The following KRT6A variants were observed in gnomAD, a reference collection of about 807,000 sequenced individuals.
The protein encoded by KRT6A is keratin 6A.
In KRT6A, 28 loss-of-function variants were observed where a neutral mutation model predicts 48.6. The ratio of observed to expected loss-of-function variants is 0.58; its 90% CI spans 0.43 to 0.79. The LOEUF (loss-of-function observed/expected upper bound fraction) is 0.79, where lower values mean the gene tolerates loss of function less well. Ranked by LOEUF, KRT6A falls within the 30% of genes least tolerant of loss-of-function variation. The probability of loss-of-function intolerance (pLI) is 0.00; values close to 1 mark genes in which losing one functional copy is unlikely to be tolerated. For synonymous variants in KRT6A, 301 were observed against 294.2 expected (o/e 1.02, Z -0.24); for missense variants, 687 against 724.3 (o/e 0.95, Z 0.59).
In KRT6A at chr12:52,488,374, C is replaced by A. The variant is rs180935064; in HGVS notation, c.1378G>T (p.Val460Leu). 3.1e-6 allele frequency: 5 copies of A among 1,614,174 alleles called. No individual in the cohort carries two copies. The East Asian group carries it at 6.7e-5, about 22-fold the overall frequency. The change falls in exon 7 of 9, where the codon GTG becomes TTG. Residue 460 changes from valine to leucine, a missense_variant. Val to Leu is a conservative substitution (Grantham distance 32). Transcript: ENST00000330722. ...ELMNVKLALD[V>L]EIATYRKLLE... ...AGCTTGCGGTAGGTGGCGATCTCCA[C>A]GTCCAGGGCCAGCTTGACATTCATC...
intron 6 of KRT6A, 46 bp downstream of exon 6, chr12:52,489,897 G>C (rs377673941): frequency 9.9e-6 from 16 of 1,613,770 alleles, no homozygotes; most frequent in Non-Finnish European, 1.1e-5. Flanking sequence ...GCTGCCTGAC[G>C]ACCTGACAAG....
In KRT6A at chr12:52,492,761, C is replaced by T. The variant is rs2120410961; in HGVS notation, c.428G>A (p.Ser143Asn). Residue 143 changes from serine to asparagine, a missense_variant, in exon 1 of 9, where the codon AGT (serine) becomes AAT (asparagine). Physicochemically the swap from Ser to Asn is conservative, Grantham distance 46. Transcript: ENST00000330722. ...TTGCAGGTTGAGGGGAGTCAGGAGA[C>T]TCTGGTTGACGGTGACCTCTTGGAT... ...GGIQEVTVNQ[S>N]LLTPLNLQID... is the part of the protein sequence containing the mutation. 4 of 1,613,888 alleles carry T rather than the reference C, an allele frequency of 2.5e-6. No individual in the cohort carries two copies. The highest frequency in any genetic ancestry group is 3.4e-6 in the Non-Finnish European group (4 of 1,179,926).
chr12:52,492,230 A>T (rs1024828222), intron 1 of KRT6A, among the ~76,000 whole-genome samples: 5 of 147,954 alleles, frequency 3.4e-5, no homozygotes, highest in African/African-American at 1.3e-4. Flanking sequence ...CATAACGTAT[A>T]AACGTTTTAA....
chr12:52,489,204 A>G (rs1158860436), intron 6 of KRT6A, among the ~76,000 whole-genome samples: 1 of 152,236 alleles, frequency 6.6e-6, no homozygotes, highest in Non-Finnish European at 1.5e-5. Context: ...CACAGGCCAC[A>G]TGCAGCCCAG....
chr12:52,487,465 T>G lies in KRT6A; in HGVS notation c.*255A>C. Reference sequence around the variant, plus strand: ...TAGAACACTGGAGGCAAGAAATTAATAATTTAGTAACAGTGAAGCTCCAGT... The same window carrying G: ...TAGAACACTGGAGGCAAGAAATTAAGAATTTAGTAACAGTGAAGCTCCAGT... On this transcript the variant is annotated 3_prime_UTR_variant, in exon 9 of 9. Coordinates refer to ENST00000330722, the MANE Select transcript of KRT6A (RefSeq NM_005554.4). 1 of 542,972 alleles carries G rather than the reference T, an allele frequency of 1.8e-6. No individual in the cohort carries two copies. Among genetic ancestry groups the G allele is most frequent in the Non-Finnish European group, 3.2e-6 (1 of 310,368 alleles). The allele number at this position is 542,972 out of a possible 1,614,324, so 33.6% of individuals were successfully genotyped here.
rs144401677 is a variant in KRT6A, at chr12:52,491,649, G to T, written c.628C>A (p.Leu210Met). ...EQGTKTVRQN[L>M]EPLFEQYINN... is the part of the protein sequence containing the mutation. ...ATGTACTGCTCGAACAACGGCTCCA[G>T]GTTCTGCCTCACAGTCTTGGTGCCC... is the stretch of plus-strand genomic sequence containing the variant. Residue 210 changes from leucine to methionine, a missense_variant, in exon 2 of 9, where the codon CTG becomes ATG. By Grantham distance (15) the Leu-to-Met change is conservative. Transcript: ENST00000330722. The T allele has an allele frequency of 0.014, 22,348 of 1,614,216 alleles. 188 individuals carry two copies. Among genetic ancestry groups the T allele is most frequent in the Non-Finnish European group, 0.017 (20,182 of 1,180,042 alleles).
Position 52,487,733 on chromosome 12 carries a change from C to T in KRT6A, c.1682G>A (p.Ser561Asn). ...YTTTSSSSRK[S>N]YKH is the part of the protein sequence containing the mutation. ...AGCAGACGCACTTTAGTGCTTATAG[C>T]TCTTCCTGCTGGAGGAGGAGGTGGT... Residue 561 changes from serine to asparagine, a missense_variant, in exon 9 of 9, where the codon AGC (serine) becomes AAC (asparagine). By Grantham distance (46) the Ser-to-Asn change is conservative. Transcript: ENST00000330722. 6.2e-7 allele frequency: 1 copy of T among 1,614,194 alleles called. No individual in the cohort carries two copies. Among genetic ancestry groups the T allele is most frequent in the Non-Finnish European group, 8.5e-7 (1 of 1,180,030 alleles).
chr12:52,488,531 G>A lies in KRT6A; in HGVS notation c.1221C>T (p.Ala407=), dbSNP rs369027797. The stretch of plus-strand genomic sequence containing the variant: ...CACGCTGCTCAGCATCAGCAATGGC[G>A]GCCTGCAGGTTGGCGCACTGGAAGA... ...HVKKQCANLQ[A]AIADAEQRGE... Residue 407 remains alanine (A), a synonymous_variant, in exon 7 of 9, where the codon GCC becomes GCT. Transcript: ENST00000330722. 841 of 1,613,516 alleles carry A rather than the reference G, an allele frequency of 5.2e-4. 3 individuals carry two copies. Among genetic ancestry groups the A allele is most frequent in the Admixed American group, 2.2e-3 (132 of 59,960 alleles).
chr12:52,488,450 C>T lies in KRT6A; in HGVS notation c.1302G>A (p.Leu434=), dbSNP rs746226004. ...GGGCCAGGTCCTGCTTGGCCTTCTG[C>T]AGGGCATCCTCCAGCCCTTCCAGCT... is the stretch of plus-strand genomic sequence containing the variant. ...KNKLEGLEDA[L]QKAKQDLARL... Residue 434 remains leucine, a synonymous_variant, in exon 7 of 9, where the codon CTG becomes CTA. Coordinates refer to ENST00000330722, the MANE Select transcript of KRT6A (RefSeq NM_005554.4). 5.6e-6 allele frequency: 9 copies of T among 1,614,072 alleles called. No homozygotes were observed. The highest frequency in any genetic ancestry group is 4.5e-5 in the East Asian group (2 of 44,880).
intron 1 of KRT6A, among the ~76,000 whole-genome samples, chr12:52,492,009 C>T (rs868867346): frequency 6.6e-6 from 1 of 152,128 alleles, no homozygotes; most frequent in Non-Finnish European, 1.5e-5. Context: ...TCCTTCTTTT[C>T]CCAGCCAAAA....
In KRT6A at chr12:52,493,253, G is replaced by A; in HGVS notation, c.-65C>T. ...CTGGAGGAGAGAGGGAAGAGAAGCA[G>A]GACTAGGAATCAGGCTCGGGGCAGC... On this transcript the variant is annotated 5_prime_UTR_variant, in exon 1 of 9. Coordinates refer to ENST00000330722, the MANE Select transcript of KRT6A (RefSeq NM_005554.4). 1 of 1,611,240 alleles carries A rather than the reference G, an allele frequency of 6.2e-7. No homozygotes were observed. The highest frequency in any genetic ancestry group is 8.5e-7 in the Non-Finnish European group (1 of 1,178,728).
At position 52,487,243 on chromosome 12, in the gene KRT6A, AC is replaced by A. The variant is rs1375110989; in HGVS notation, c.*476del. Reference sequence around the variant, plus strand: ...AGAGCACAGAAATCATCACAGAGATACAGGCTTTGTACATCATAGGACTAGT... The same window carrying A: ...AGAGCACAGAAATCATCACAGAGATAAGGCTTTGTACATCATAGGACTAGT... On this transcript the variant is annotated 3_prime_UTR_variant, in exon 9 of 9. Transcript: ENST00000330722. 5 of 180,932 alleles carry A rather than the reference AC, an allele frequency of 2.8e-5. No homozygotes were observed. Among genetic ancestry groups the A allele is most frequent in the Admixed American group, 1.6e-4 (3 of 18,798 alleles). The allele number at this position is 180,932 out of a possible 1,614,324, so 11.2% of individuals were successfully genotyped here. A position where few individuals can be genotyped will look rare whatever the true frequency, so the allele number is the denominator to read the frequency against.
In KRT6A at chr12:52,491,671, G is replaced by A; in HGVS notation, c.606C>T (p.Gly202=). The stretch of plus-strand genomic sequence containing the variant: ...CCAGGTTCTGCCTCACAGTCTTGGT[G>A]CCCTGCTCCTGCAGCAGGGTCCACT... ...ETKWTLLQEQ[G]TKTVRQNLEP... The change falls in exon 2 of 9, where the codon GGC becomes GGT. Residue 202 remains glycine (G), a synonymous_variant. Transcript: ENST00000330722. The A allele has an allele frequency of 6.2e-7, 1 of 1,614,186 alleles. No homozygotes were observed.
rs1488416435 is a variant in KRT6A at position 52,488,258 on chromosome 12, A to G, written c.1424+70T>C. On this transcript the variant is annotated intron_variant, in intron 7 of 8. Transcript: ENST00000330722. ...TTATGGCCATGGGCAGTGCACCTTAAAGTTGTGCTCAGTGCCAGGAACCTT... is the reference window on the plus strand; with the variant it reads ...TTATGGCCATGGGCAGTGCACCTTAGAGTTGTGCTCAGTGCCAGGAACCTT... 3.7e-6 allele frequency: 6 copies of G among 1,613,298 alleles called. No homozygotes were observed. The African/African-American group carries it at 4.0e-5, about 11-fold the overall frequency.
Position 52,487,554 on chromosome 12 carries a change from G to T in KRT6A, c.*166C>A. On this transcript the variant is annotated 3_prime_UTR_variant, in exon 9 of 9. Transcript: ENST00000330722. Reference sequence around the variant, plus strand: ...ATGGTGAGCAATGGGTGCTCAGATGGTATAGAGAGAGAGAGAAGAAGTGAG... The same window carrying T: ...ATGGTGAGCAATGGGTGCTCAGATGTTATAGAGAGAGAGAGAAGAAGTGAG... The T allele has an allele frequency of 1.3e-6, 1 of 780,938 alleles. No homozygotes were observed. Among genetic ancestry groups the T allele is most frequent in the Non-Finnish European group, 2.1e-6 (1 of 477,814 alleles). 48.4% of individuals were successfully genotyped at this position (780,938 alleles called of 1,614,324 possible). A position where few individuals can be genotyped will look rare whatever the true frequency, so the allele number is the denominator to read the frequency against.
rs1300987814 is a variant in KRT6A at position 52,488,241 on chromosome 12, A to T, written c.1424+87T>A. The T allele has an allele frequency of 1.1e-5, 18 of 1,613,212 alleles. 1 individual carries two copies. Among genetic ancestry groups the T allele is most frequent in the Non-Finnish European group, 1.5e-5 (18 of 1,179,330 alleles). On this transcript the variant is annotated intron_variant, in intron 7 of 8. Coordinates refer to ENST00000330722, the MANE Select transcript of KRT6A (RefSeq NM_005554.4). ...TCTCTCAGGAAGAGCAATTATGGCCATGGGCAGTGCACCTTAAAGTTGTGC... is the reference window on the plus strand; with the variant it reads ...TCTCTCAGGAAGAGCAATTATGGCCTTGGGCAGTGCACCTTAAAGTTGTGC...
At position 52,488,314 on chromosome 12, in the gene KRT6A, T is replaced by C. The variant is rs763999897; in HGVS notation, c.1424+14A>G. On this transcript the variant is annotated intron_variant, in intron 7 of 8. Transcript: ENST00000330722. Reference sequence around the variant, plus strand: ...TGGACTCAGCTGTTGAAGGAGTTCGTGTCAGTTACCCACCTGCACTCCTCA... The same window carrying C: ...TGGACTCAGCTGTTGAAGGAGTTCGCGTCAGTTACCCACCTGCACTCCTCA... The C allele has an allele frequency of 1.9e-6, 3 of 1,614,132 alleles. No homozygotes were observed. The highest frequency in any genetic ancestry group is 1.1e-5 in the South Asian group (1 of 91,078).
intron 6 of KRT6A, 179 bp downstream of exon 6, chr12:52,489,764 T>C: frequency 9.7e-7 from 1 of 1,025,890 alleles, no homozygotes; most frequent in Non-Finnish European, 1.5e-6. Context: ...TGTGTTTGTG[T>C]CATGCCATAG....
Position 52,490,887 on chromosome 12 carries a change from T to C in KRT6A, c.883A>G (p.Ile295Val). The change falls in exon 4 of 9, where the codon ATC (isoleucine) becomes GTC (valine). Residue 295 changes from isoleucine to valine, a missense_variant. Coordinates refer to ENST00000330722, the MANE Select transcript of KRT6A (RefSeq NM_005554.4). ...QAKADTLTDE[I>V]NFLRALYDAE... is the part of the protein sequence containing the mutation. ...TCATACAAGGCTCTCAGGAAGTTGA[T>C]CTCGTCTGTGAGAGTGTCTGCCTTG... 2 of 1,613,998 alleles carry C rather than the reference T, an allele frequency of 1.2e-6. No individual in the cohort carries two copies. Among genetic ancestry groups the C allele is most frequent in the Non-Finnish European group, 1.7e-6 (2 of 1,179,894 alleles).
Sources: allele counts gnomAD v4.1 joint callset (sites outside exome capture counted in the v4.1 genomes callset), GRCh38; gene constraint gnomAD v4.1.1; transcripts MANE v1.5; gene names NCBI Gene and HGNC (gene_info 2026-07-23, HGNC 2026-07-21).